HS3ST4: variants seen among roughly 807,000 people sequenced by gnomAD.
HS3ST4 encodes the protein heparan sulfate glucosamine 3-O-sulfotransferase 4.
Under a neutral mutation model 29.2 loss-of-function variants are expected in HS3ST4, and 17 were observed. The ratio of observed to expected loss-of-function variants is 0.58; its 90% confidence interval spans 0.40 to 0.87. The LOEUF (loss-of-function observed/expected upper bound fraction) is 0.87. Among genes scored for constraint, HS3ST4 ranks in the 40% least tolerant of loss-of-function variants. HS3ST4 has a pLI of 0.00. For missense variants in HS3ST4, 627 were observed against 634.5 expected (o/e 0.99, Z 0.13); for synonymous variants, 314 against 285.7 (o/e 1.10, Z -1.00).
At chr16:25,871,900 AC>A (rs1967757124) in intron 1 of HS3ST4, among the ~76,000 whole-genome samples, 1 of 151,858 alleles carries the variant, frequency 6.6e-6, no homozygotes, top group Non-Finnish European at 1.5e-5. Flanking sequence ...TTTTCACTCT[AC>A]TGTATGGGAA....
At position 26,116,345 on chromosome 16, in the gene HS3ST4, G is replaced by A. The variant is rs75846983; in HGVS notation, c.735-19267G>A. Among the ~76,000 whole-genome samples the A allele has an allele frequency of 1.3e-4, 20 of 152,262 alleles. No homozygotes were observed. In the East Asian group the frequency reaches 2.5e-3, roughly 19 times the overall value. ...TTTGTGTTACAAGTGGTGCAATTAC[G>A]TTGTATTACCATTGCCAAGTTCTGT... On this transcript the variant is annotated intron_variant, in intron 1 of 1. Transcript: ENST00000331351.
intron 1 of HS3ST4, among the ~76,000 whole-genome samples, chr16:26,132,437 A>G (rs906114581): frequency 2.6e-5 from 4 of 152,156 alleles, no homozygotes; most frequent in African/African-American, 4.8e-5. Context: ...GGTCAAAGCT[A>G]TTTAGTCTCC....
At chr16:26,035,716 T>C (rs1969576810) in intron 1 of HS3ST4, among the ~76,000 whole-genome samples, 1 of 152,210 alleles carries the variant, frequency 6.6e-6, no homozygotes, top group South Asian at 2.1e-4. Context: ...GTTGGTCTTC[T>C]CACATGCAAT....
intron 1 of HS3ST4, among the ~76,000 whole-genome samples, chr16:25,696,731 T>C (rs1240797087): frequency 3.9e-5 from 6 of 152,166 alleles, no homozygotes; most frequent in Non-Finnish European, 7.3e-5. Context: ...CTCTACAAAG[T>C]CACGCTTATG....
intron 1 of HS3ST4, among the ~76,000 whole-genome samples, chr16:26,120,052 A>AGTGTGTGTGTGT (rs35643541): frequency 6.2e-4 from 81 of 131,562 alleles, no homozygotes; most frequent in African/African-American, 2.1e-3. Context: ...AGCTGAAGGA[A>AGTGTGTGTGTGT]GTGTGTGTGT....
intron 1 of HS3ST4, among the ~76,000 whole-genome samples, chr16:25,984,686 T>C (rs1969044175): frequency 6.6e-6 from 1 of 152,236 alleles, no homozygotes; most frequent in Non-Finnish European, 1.5e-5. Flanking sequence ...CCTGGTTTAT[T>C]TCACTAAACA....
intron 1 of HS3ST4, among the ~76,000 whole-genome samples, chr16:25,958,137 G>A (rs1002128460): frequency 2.6e-5 from 4 of 152,120 alleles, no homozygotes; most frequent in East Asian, 1.9e-4. Context: ...CCTGGGACTC[G>A]CATTAGGAAG....
At chr16:25,995,605 G>A (rs112617762) in intron 1 of HS3ST4, among the ~76,000 whole-genome samples, 4 of 152,248 alleles carry the variant, frequency 2.6e-5, no homozygotes, top group South Asian at 2.1e-4. Flanking sequence ...TGTCTCAATC[G>A]TGTGCCCATC....
intron 1 of HS3ST4, among the ~76,000 whole-genome samples, chr16:25,828,242 C>CTTTTTCTATCTTTCTTTCTT (rs1371928058): frequency 0.012 from 867 of 75,018 alleles, 74 homozygotes; most frequent in Non-Finnish European, 0.016. Flanking sequence ...TTCTTTCTTT[C>CTTTTTCTATCTTTCTTTCTT]TCTTTCTTTC....
chr16:25,766,678 A>G (rs534923277), intron 1 of HS3ST4, among the ~76,000 whole-genome samples: 3 of 152,368 alleles, frequency 2.0e-5, no homozygotes, highest in East Asian at 3.9e-4. Flanking sequence ...TGATACAATG[A>G]TGAAAAACAC....
chr16:26,093,805 C>G lies in HS3ST4; in HGVS notation c.735-41807C>G, dbSNP rs181297583. ...GTAGGCTTCAGAAGGTTGGTAATAA[C>G]AAACTTGTCCAAGCTAAAGGAGCTT... On this transcript the variant is annotated intron_variant, in intron 1 of 1. Transcript: ENST00000331351. 6.3e-3 allele frequency among the ~76,000 whole-genome samples: 963 copies of G among 152,250 alleles called. 6 individuals are homozygous for G. Among genetic ancestry groups the G allele is most frequent in the South Asian group, 0.028 (134 of 4,818 alleles).
chr16:25,728,191 A>G (rs201253167), intron 1 of HS3ST4, among the ~76,000 whole-genome samples: 1 of 152,228 alleles, frequency 6.6e-6, no homozygotes, highest in South Asian at 2.1e-4. Flanking sequence ...TAGTAGAGAC[A>G]GGGTTTCACC....
chr16:26,044,324 C>T (rs1898241165), intron 1 of HS3ST4, among the ~76,000 whole-genome samples: 1 of 152,174 alleles, frequency 6.6e-6, no homozygotes, highest in Admixed American at 6.5e-5. Flanking sequence ...AAGACGGAAG[C>T]CGTGGAGTTT....
At chr16:25,944,319 A>G (rs1210194709) in intron 1 of HS3ST4, among the ~76,000 whole-genome samples, 1 of 152,156 alleles carries the variant, frequency 6.6e-6, no homozygotes, top group Non-Finnish European at 1.5e-5. Flanking sequence ...TGGGTCTTTT[A>G]TGTGGCAGAA....
chr16:25,873,718 A>G (rs1007562413), intron 1 of HS3ST4, among the ~76,000 whole-genome samples: 4 of 151,076 alleles, frequency 2.6e-5, no homozygotes, highest in Admixed American at 1.3e-4. Context: ...CTGTCCATCT[A>G]TCCATCCATC....
intron 1 of HS3ST4, among the ~76,000 whole-genome samples, chr16:25,930,065 C>T (rs182485921): frequency 3.3e-5 from 5 of 152,332 alleles, no homozygotes; most frequent in Admixed American, 3.3e-4. Flanking sequence ...TTTTGGTTCT[C>T]TGTTCCTGTG....
chr16:26,128,830 T>C (rs992968193), intron 1 of HS3ST4, among the ~76,000 whole-genome samples: 3 of 152,254 alleles, frequency 2.0e-5, no homozygotes, highest in East Asian at 1.9e-4. Context: ...AGGTGCTCCA[T>C]TGAATTTTGA....
At chr16:25,791,357 T>A (rs1378305082) in intron 1 of HS3ST4, among the ~76,000 whole-genome samples, 1 of 152,134 alleles carries the variant, frequency 6.6e-6, no homozygotes. Context: ...TTCATGGTTG[T>A]CTTGTCTATT....
chr16:25,968,098 G>A (rs1475152778), intron 1 of HS3ST4, among the ~76,000 whole-genome samples: 1 of 152,152 alleles, frequency 6.6e-6, no homozygotes, highest in Non-Finnish European at 1.5e-5. Context: ...GGAGAGGGAA[G>A]GATGCTGGCT....
Sources: gnomAD v4.1 joint callset for allele counts (sites outside exome capture counted in the v4.1 genomes callset) on GRCh38, gnomAD v4.1.1 for gene constraint, MANE v1.5 for transcripts, NCBI Gene and HGNC (gene_info 2026-07-23, HGNC 2026-07-21) for gene names.